Variants in BCCIP observed in about 807,000 individuals in gnomAD.
BCCIP encodes the protein BRCA2 and CDKN1A interacting protein.
A neutral mutation model predicts 32.8 loss-of-function variants in BCCIP; 23 were observed. That is an observed-to-expected ratio of 0.70 (90% CI 0.51 to 0.99). BCCIP has a LOEUF of 0.99. BCCIP is among the 50% of genes least tolerant of loss of function. The probability of loss-of-function intolerance (pLI) is 0.00; values close to 1 mark genes in which losing one functional copy is unlikely to be tolerated. For synonymous variants in BCCIP, 144 were observed against 137.6 expected, an observed-to-expected ratio of 1.05 and a Z score of -0.33; for missense variants, 378 against 379.8, an observed-to-expected ratio of 1.00 and a Z score of 0.04.
At chr10:125,851,362 A>G (rs1253185546) in intron 7 of BCCIP, among the ~76,000 whole-genome samples, 1 of 152,216 alleles carries the variant, frequency 6.6e-6, no homozygotes, top group Admixed American at 6.5e-5. Flanking sequence ...TTTAAGCCTC[A>G]TGGAATGAGC....
chr10:125,831,256 T>C (rs1025941644), intron 4 of BCCIP, among the ~76,000 whole-genome samples, 164 bp from the exon 5 acceptor site: 3 of 152,270 alleles, frequency 2.0e-5, no homozygotes, highest in African/African-American at 4.8e-5. Context: ...GTATTTACTT[T>C]TGAGAAATGC....
intron 6 of BCCIP, among the ~76,000 whole-genome samples, chr10:125,834,649 A>G (rs1854607958): frequency 7.4e-6 from 1 of 134,880 alleles, no homozygotes; most frequent in African/African-American, 2.7e-5. Context: ...CTAAAAATAC[A>G]AAAAAAAAAA....
downstream of BCCIP, chr10:125,840,977 A>C: frequency 6.2e-7 from 1 of 1,604,262 alleles, no homozygotes; most frequent in Non-Finnish European, 8.5e-7. Context: ...CATGTGGCAC[A>C]TGTGAAAAGC....
downstream of BCCIP, among the ~76,000 whole-genome samples, chr10:125,838,612 G>A (rs1015328762): frequency 1.3e-5 from 2 of 152,164 alleles, no homozygotes; most frequent in African/African-American, 4.8e-5. Context: ...GCAGGGCACT[G>A]CTAAAACAGT....
chr10:125,847,220 TC>T (rs1944033085), downstream of BCCIP, among the ~76,000 whole-genome samples: 1 of 145,320 alleles, frequency 6.9e-6, no homozygotes, highest in Non-Finnish European at 1.5e-5. Context: ...GACTGCCAGT[TC>T]CATACCATGG....
In BCCIP at chr10:125,836,430, GT is replaced by G; in HGVS notation, c.*162del. 1 of 1,439,176 alleles carries G rather than the reference GT, an allele frequency of 6.9e-7. No homozygotes were observed. The allele number at this position is 1,439,176 out of a possible 1,614,324, so 89.2% of individuals were successfully genotyped here. A position where few individuals can be genotyped will look rare whatever the true frequency, so the allele number is the denominator to read the frequency against. ...TCTCTGACACATTTACAAAATACCAGTTTTTTAAAATTTTGGTCAAATTATG... is the reference window on the plus strand; with the variant it reads ...TCTCTGACACATTTACAAAATACCAGTTTTTAAAATTTTGGTCAAATTATG... On this transcript the variant is annotated 3_prime_UTR_variant, in exon 7 of 7. Transcript: ENST00000278100.
chr10:125,838,885 T>C, downstream of BCCIP: 3 of 1,202,474 alleles, frequency 2.5e-6, no homozygotes, highest in Non-Finnish European at 3.5e-6. Flanking sequence ...AATAATAACA[T>C]GGATTTTTAG....
At chr10:125,836,582 C>A (rs1034481427), downstream of BCCIP, 16 of 1,434,674 alleles carry the variant, frequency 1.1e-5, no homozygotes, top group Non-Finnish European at 1.3e-5. Flanking sequence ...TCAAGACCGT[C>A]CTGTGGATGT....
chr10:125,836,336 A>T lies in BCCIP; in HGVS notation c.*62A>T, dbSNP rs78102986. 6,067 of 1,610,202 alleles carry T rather than the reference A, an allele frequency of 3.8e-3. 173 individuals are homozygous for T. The African/African-American group carries it at 0.064, about 17-fold the overall frequency. On this transcript the variant is annotated 3_prime_UTR_variant, in exon 7 of 7. Coordinates refer to ENST00000278100, the MANE Select transcript of BCCIP (RefSeq NM_078468.3). ...AAAATTACCAGAAAACTCAGTGGAG[A>T]TTTACTGAAAAACTCAGACTTTATT...
At chr10:125,852,639 A>G in intron 7 of BCCIP, 1 of 1,606,432 alleles carries the variant, frequency 6.2e-7, no homozygotes. Context: ...CTCGGGTTGT[A>G]CACCTTTAAA....
At position 125,823,565 on chromosome 10, in the gene BCCIP, C is replaced by T. The variant is rs763332573; in HGVS notation, c.8C>T (p.Ser3Phe). The T allele has an allele frequency of 1.9e-6, 3 of 1,613,772 alleles. No individual in the cohort carries two copies. Among genetic ancestry groups the T allele is most frequent in the Non-Finnish European group, 2.5e-6 (3 of 1,179,884 alleles). Residue 3 changes from serine to phenylalanine, a missense_variant, in exon 1 of 7, where the codon TCC (serine) becomes TTC (phenylalanine). Physicochemically the swap from Ser to Phe is radical, Grantham distance 155. Transcript: ENST00000278100. MA[S>F]RSKRRAVESG... is the part of the protein sequence containing the mutation. The stretch of plus-strand genomic sequence containing the variant: ...CGCAGTGTGAGCGGCAACATGGCGT[C>T]CAGGTCTAAGCGGCGTGCCGTGGAA...
chr10:125,837,171 G>C (rs954617037), downstream of BCCIP, among the ~76,000 whole-genome samples: 2 of 152,154 alleles, frequency 1.3e-5, no homozygotes, highest in Non-Finnish European at 2.9e-5. Flanking sequence ...GGCACCAATC[G>C]TATGCTTAAG....
At chr10:125,827,130 G>GT (rs573375202) in intron 2 of BCCIP, among the ~76,000 whole-genome samples, 3,361 of 144,014 alleles carry the variant, frequency 0.023, 80 homozygotes, top group East Asian at 0.11. Flanking sequence ...GAGTTATTTT[G>GT]TTTTTTTTTT....
intron 4 of BCCIP, 104 bp downstream of exon 4, chr10:125,830,755 T>C: frequency 1.4e-6 from 1 of 716,148 alleles, no homozygotes; most frequent in South Asian, 1.9e-5. Flanking sequence ...TGATATTAAC[T>C]ATAGGGATAA....
At chr10:125,824,278 T>C (rs914024846) in intron 1 of BCCIP, among the ~76,000 whole-genome samples, 5 of 152,240 alleles carry the variant, frequency 3.3e-5, no homozygotes, top group African/African-American at 9.6e-5. Context: ...GGTTTCATAG[T>C]CTCATAGAAC....
chr10:125,851,920 CAAAA>C lies in BCCIP; in HGVS notation c.851-1187_851-1184del, dbSNP rs56380138. ...TGAGCAACAGAGCAAGACCCTGTCT[CAAAA>C]AAAAAAAAAAAAAAAAAGAAAAGAA... On this transcript the variant is annotated intron_variant, in intron 7 of 7. Transcript: ENST00000368759. Among the ~76,000 whole-genome samples, 321 of 86,766 alleles carry C rather than the reference CAAAA, an allele frequency of 3.7e-3. 1 individual carries two copies. Among genetic ancestry groups the C allele is most frequent in the Non-Finnish European group, 6.0e-3 (269 of 45,166 alleles). 56.9% of individuals were successfully genotyped at this position (86,766 alleles called of 152,430 possible). A position where few individuals can be genotyped will look rare whatever the true frequency, so the allele number is the denominator to read the frequency against.
downstream of BCCIP, among the ~76,000 whole-genome samples, chr10:125,843,937 A>G (rs1854945478): frequency 6.6e-6 from 1 of 152,158 alleles, no homozygotes; most frequent in Non-Finnish European, 1.5e-5. Flanking sequence ...TGGGGCAAAT[A>G]TGTTGAATTT....
rs142251959 is a variant in BCCIP at position 125,823,804 on chromosome 10, G to A, written c.165+82G>A. 578 of 1,555,520 alleles carry A rather than the reference G, an allele frequency of 3.7e-4. 3 individuals carry two copies. In the African/African-American group the frequency reaches 6.8e-3, roughly 18 times the overall value. On this transcript the variant is annotated intron_variant, in intron 1 of 6. Coordinates refer to ENST00000278100, the MANE Select transcript of BCCIP (RefSeq NM_078468.3). ...CCCAGGCTGTGTAAAAATAGTGTAG[G>A]GTCTTCCCTGACCCTGAGGGTCTGT...
At chr10:125,841,692 A>G (rs1187870563) in exon 7 of BCCIP, 2 of 1,583,702 alleles carry the variant, frequency 1.3e-6, no homozygotes, top group Non-Finnish European at 1.7e-6. Flanking sequence ...ATCTAAATCT[A>G]TACCTAGTGC....
Sources: allele counts gnomAD v4.1 joint callset (sites outside exome capture counted in the v4.1 genomes callset), GRCh38; gene constraint gnomAD v4.1.1; transcripts MANE v1.5; gene names NCBI Gene and HGNC (gene_info 2026-07-23, HGNC 2026-07-21).